Variants in GRIN2B observed in about 807,000 individuals in gnomAD.
GRIN2B encodes glutamate receptor ionotropic, NMDA 2B.
GRIN2B carries 5 observed loss-of-function variants against 114.5 expected under a neutral mutation model. The observed-to-expected ratio is 0.04, with a 90% CI of 0.02 to 0.09. The LOEUF (loss-of-function observed/expected upper bound fraction) is 0.09, where lower values mean the gene tolerates loss of function less well. Ranked by LOEUF, GRIN2B falls within the 10% of genes least tolerant of loss-of-function variation. GRIN2B has a pLI of 1.00. For missense variants in GRIN2B, 1,108 were observed against 1,943.5 expected (o/e 0.57, Z 8.08); for synonymous variants, 787 against 745.1 (o/e 1.06, Z -0.92).
chr12:13,719,315 T>G (rs1950487694), intron 4 of GRIN2B, among the ~76,000 whole-genome samples: 1 of 152,102 alleles, frequency 6.6e-6, no homozygotes, highest in Admixed American at 6.6e-5. Flanking sequence ...AATAAACACT[T>G]AAGTGTAAAC....
chr12:13,687,814 A>G (rs991843939), intron 4 of GRIN2B, among the ~76,000 whole-genome samples: 3 of 152,218 alleles, frequency 2.0e-5, no homozygotes, highest in African/African-American at 7.2e-5. Flanking sequence ...GTTTAGCTTC[A>G]TGTACAAAAT....
At chr12:13,684,246 C>T (rs1229241041) in intron 4 of GRIN2B, among the ~76,000 whole-genome samples, 1 of 152,074 alleles carries the variant, frequency 6.6e-6, no homozygotes, top group Non-Finnish European at 1.5e-5. Context: ...TAAATGATTC[C>T]TCAAAATGAT....
intron 3 of GRIN2B, among the ~76,000 whole-genome samples, chr12:13,822,434 C>G (rs1035621119): frequency 2.6e-5 from 4 of 152,092 alleles, no homozygotes; most frequent in Non-Finnish European, 5.9e-5. Context: ...GTATAAAAAA[C>G]AGTCTATGCA....
At chr12:13,584,112 C>A (rs1421935894) in intron 10 of GRIN2B, among the ~76,000 whole-genome samples, 1 of 152,110 alleles carries the variant, frequency 6.6e-6, no homozygotes, top group Admixed American at 6.5e-5. Context: ...TCAGCCTCAT[C>A]CCCACCACCT....
intron 3 of GRIN2B, among the ~76,000 whole-genome samples, chr12:13,795,681 C>G (rs901437108): frequency 2.0e-5 from 3 of 152,086 alleles, no homozygotes; most frequent in Non-Finnish European, 1.5e-5. Flanking sequence ...TGGAACCAAC[C>G]CAAATGTCCG....
chr12:13,771,987 A>G (rs1399673360), intron 3 of GRIN2B, among the ~76,000 whole-genome samples: 1 of 152,188 alleles, frequency 6.6e-6, no homozygotes, highest in Non-Finnish European at 1.5e-5. Flanking sequence ...GATTTTTCCC[A>G]TGACTTTAGG....
chr12:13,586,525 G>A (rs560771056), intron 10 of GRIN2B, among the ~76,000 whole-genome samples: 1 of 152,272 alleles, frequency 6.6e-6, no homozygotes, highest in East Asian at 1.9e-4. Flanking sequence ...CATACAAGGA[G>A]GGGACTCCTG....
At chr12:13,638,677 A>C (rs560017022) in intron 5 of GRIN2B, among the ~76,000 whole-genome samples, 11 of 152,224 alleles carry the variant, frequency 7.2e-5, no homozygotes, top group African/African-American at 2.6e-4. Flanking sequence ...TTCTGTCCTC[A>C]AAATGTAAGT....
At chr12:13,710,946 C>T (rs1388270470) in intron 4 of GRIN2B, among the ~76,000 whole-genome samples, 1 of 152,006 alleles carries the variant, frequency 6.6e-6, no homozygotes, top group East Asian at 1.9e-4. Flanking sequence ...AAGAACAAAG[C>T]TGGAGGCATC....
intron 3 of GRIN2B, among the ~76,000 whole-genome samples, chr12:13,779,374 GGTTTT>G (rs1230337855): frequency 2.0e-5 from 3 of 151,986 alleles, no homozygotes; most frequent in Admixed American, 2.0e-4. Context: ...GATGTTTTTT[GGTTTT>G]GTTTTGTTTT....
At chr12:13,958,679 C>T (rs1867636967) in intron 2 of GRIN2B, among the ~76,000 whole-genome samples, 1 of 152,102 alleles carries the variant, frequency 6.6e-6, no homozygotes, top group Non-Finnish European at 1.5e-5. Context: ...GTTTGGCAAG[C>T]CCAGATTTGC....
chr12:13,816,371 A>G (rs1864823958), intron 3 of GRIN2B, among the ~76,000 whole-genome samples: 2 of 152,244 alleles, frequency 1.3e-5, no homozygotes, highest in Non-Finnish European at 2.9e-5. Context: ...GAAAATGTCC[A>G]GAAAATCTAA....
chr12:13,709,616 C>T (rs187073065), intron 4 of GRIN2B, among the ~76,000 whole-genome samples: 11 of 152,086 alleles, frequency 7.2e-5, no homozygotes, highest in African/African-American at 1.2e-4. Context: ...ACAAGTATAG[C>T]TGAGCAGTAC....
At chr12:13,766,292 G>A (rs1378814229) in intron 3 of GRIN2B, among the ~76,000 whole-genome samples, 3 of 152,178 alleles carry the variant, frequency 2.0e-5, no homozygotes, top group Non-Finnish European at 4.4e-5. Flanking sequence ...ATGAAGTTTA[G>A]AATATAAGTA....
At chr12:13,963,435 A>G (rs1410419473) in intron 2 of GRIN2B, among the ~76,000 whole-genome samples, 7 of 152,122 alleles carry the variant, frequency 4.6e-5, no homozygotes, top group Admixed American at 4.6e-4. Context: ...ATGTAAGAAA[A>G]ACAAAAGAAG....
In GRIN2B at chr12:13,544,620, C is replaced by T. The variant is rs961633635; in HGVS notation, c.*18163G>A. 1.3e-5 allele frequency: 2 copies of T among 152,212 alleles called. No individual in the cohort carries two copies. Among genetic ancestry groups the T allele is most frequent in the African/African-American group, 4.8e-5 (2 of 41,454 alleles). 9.4% of individuals were successfully genotyped at this position (152,212 alleles called of 1,614,324 possible). A position where few individuals can be genotyped will look rare whatever the true frequency, so the allele number is the denominator to read the frequency against. On this transcript the variant is annotated 3_prime_UTR_variant, in exon 14 of 14. Coordinates refer to ENST00000609686, the MANE Select transcript of GRIN2B (RefSeq NM_000834.5). ...TCAGCCTCACCTGCAGGATTCCTGT[C>T]TTACACTGATGGCAACTCCAAACTT...
chr12:13,665,383 AT>A (rs1949964682), intron 5 of GRIN2B, among the ~76,000 whole-genome samples: 1 of 152,090 alleles, frequency 6.6e-6, no homozygotes, highest in African/African-American at 2.4e-5. Flanking sequence ...ATGCTGGACC[AT>A]TTCTTAACAC....
intron 3 of GRIN2B, among the ~76,000 whole-genome samples, chr12:13,839,703 T>C (rs949099167): frequency 2.0e-5 from 3 of 152,240 alleles, no homozygotes; most frequent in East Asian, 1.9e-4. Context: ...ACGCCTCAGA[T>C]TGATGCCACC....
intron 2 of GRIN2B, among the ~76,000 whole-genome samples, chr12:13,898,059 C>G (rs942425235): frequency 9.2e-5 from 14 of 151,698 alleles, no homozygotes; most frequent in African/African-American, 3.4e-4. Flanking sequence ...ACAGCACTAG[C>G]TCTATCAACA....
Sources: allele counts gnomAD v4.1 joint callset (sites outside exome capture counted in the v4.1 genomes callset), GRCh38; gene constraint gnomAD v4.1.1; transcripts MANE v1.5; gene names NCBI Gene and HGNC (gene_info 2026-07-23, HGNC 2026-07-21).